The following SHROOM4 variants were observed in gnomAD, a reference collection of about 807,000 sequenced individuals.
SHROOM4 encodes shroom family member 4, also known as protein Shroom4.
Under a neutral mutation model 80.3 loss-of-function variants are expected in SHROOM4, and 17 were observed. The ratio of observed to expected loss-of-function variants is 0.21; its 90% CI spans 0.14 to 0.32. The LOEUF (loss-of-function observed/expected upper bound fraction) is 0.32, where lower values mean the gene tolerates loss of function less well. SHROOM4 is among the 10% of genes least tolerant of loss of function. The pLI, the probability that SHROOM4 is intolerant of heterozygous loss-of-function variation, is 1.00. For missense variants in SHROOM4, 993 were observed against 1,140.3 expected (o/e 0.87, Z 1.86); for synonymous variants, 400 against 437.5 (o/e 0.91, Z 1.07).
chrX:50,737,247 G>A (rs1347049585), intron 1 of SHROOM4, among the ~76,000 whole-genome samples: 4 of 109,991 alleles, frequency 3.6e-5, no homozygotes, highest in African/African-American at 1.3e-4. Flanking sequence ...AAATTAAAAC[G>A]GTACACTAGA....
intron 1 of SHROOM4, among the ~76,000 whole-genome samples, chrX:50,790,382 G>T (rs1488443768): frequency 2.7e-5 from 3 of 111,490 alleles, no homozygotes; most frequent in Non-Finnish European, 5.7e-5. Flanking sequence ...ATTTGAAAAA[G>T]AATTAATGCC....
Position 50,788,539 on chromosome X carries a change from C to T in SHROOM4, c.117+25363G>A, listed in dbSNP as rs185158006. ...AGGAGAATGGCATGAACCCGGGAGG[C>T]GGAGCTTGCAGTGAGCCGAGGTCGA... is the stretch of plus-strand genomic sequence containing the variant. On this transcript the variant is annotated intron_variant, in intron 1 of 8. Coordinates refer to ENST00000376020, the MANE Select transcript of SHROOM4 (RefSeq NM_020717.5). 1.5e-3 allele frequency among the ~76,000 whole-genome samples: 155 copies of T among 105,039 alleles called. 2 individuals carry two copies. The East Asian group carries it at 0.037, about 25-fold the overall frequency. 91.2% of individuals were successfully genotyped at this position (105,039 alleles called of 115,157 possible).
At position 50,591,710 on chromosome X, in the gene SHROOM4, C is replaced by G; in HGVS notation, c.*4985G>C. 3.6e-6 allele frequency: 1 copy of G among 275,798 alleles called. No individual in the cohort carries two copies. Among genetic ancestry groups the G allele is most frequent in the South Asian group, 3.4e-5 (1 of 29,162 alleles). The allele number at this position is 275,798 out of a possible 1,213,427, so 22.7% of individuals were successfully genotyped here. A position where few individuals can be genotyped will look rare whatever the true frequency, so the allele number is the denominator to read the frequency against. Reference sequence around the variant, plus strand: ...CTTTCTTTCTTTTCTTTCTTTCTTTCTTTCTTTCTTTCTTTCTTTCTTTTT... The same window carrying G: ...CTTTCTTTCTTTTCTTTCTTTCTTTGTTTCTTTCTTTCTTTCTTTCTTTTT... On this transcript the variant is annotated 3_prime_UTR_variant, in exon 9 of 9. Transcript: ENST00000376020.
chrX:50,601,609 C>T (rs148948515), intron 7 of SHROOM4, among the ~76,000 whole-genome samples: 2 of 111,934 alleles, frequency 1.8e-5, no homozygotes, highest in Non-Finnish European at 3.8e-5. Flanking sequence ...TAGGTAAGTG[C>T]AGGGAGGGGA....
intron 1 of SHROOM4, among the ~76,000 whole-genome samples, chrX:50,768,037 C>A (rs1935315795): frequency 8.9e-6 from 1 of 112,031 alleles, no homozygotes; most frequent in African/African-American, 3.2e-5. Context: ...GTGCTTGAAT[C>A]TCACAAATAT....
intron 1 of SHROOM4, among the ~76,000 whole-genome samples, chrX:50,796,345 C>T (rs1936010203): frequency 9.0e-6 from 1 of 111,589 alleles, no homozygotes; most frequent in Non-Finnish European, 1.9e-5. Flanking sequence ...ACTCTAGGAC[C>T]AATATGGAAG....
At chrX:50,598,721 G>A (rs974255107) in intron 7 of SHROOM4, among the ~76,000 whole-genome samples, 186 bp from the exon 8 acceptor site, 2 of 112,122 alleles carry the variant, frequency 1.8e-5, no homozygotes, top group South Asian at 3.7e-4. Flanking sequence ...CCTTCTATCC[G>A]TCTGGTAGGG....
At chrX:50,693,571 A>G (rs1557262780) in intron 2 of SHROOM4, among the ~76,000 whole-genome samples, 3 of 105,905 alleles carry the variant, frequency 2.8e-5, no homozygotes, top group Admixed American at 9.9e-5. Context: ...ATTTCAAAAA[A>G]AAAAAAAGTA....
chrX:50,585,057 G>A (rs1928732515), downstream of SHROOM4, among the ~76,000 whole-genome samples: 1 of 110,947 alleles, frequency 9.0e-6, no homozygotes, highest in Non-Finnish European at 1.9e-5. Context: ...ATTGTATTGA[G>A]GAGGATAAGC....
intron 1 of SHROOM4, among the ~76,000 whole-genome samples, chrX:50,782,237 C>T (rs1935642722): frequency 9.0e-6 from 1 of 110,816 alleles, no homozygotes; most frequent in African/African-American, 3.3e-5. Flanking sequence ...AAATTAAGTC[C>T]AACTGTATAC....
chrX:50,797,539 T>C (rs1439826369), intron 1 of SHROOM4, among the ~76,000 whole-genome samples: 1 of 111,949 alleles, frequency 8.9e-6, no homozygotes, highest in Non-Finnish European at 1.9e-5. Context: ...TGGGAGGTAG[T>C]GGTGAAACTG....
chrX:50,761,498 T>C (rs1336282258), intron 1 of SHROOM4, among the ~76,000 whole-genome samples: 1 of 112,445 alleles, frequency 8.9e-6, no homozygotes, highest in Admixed American at 9.4e-5. Context: ...TGGTTTTGAT[T>C]TGCATTTTTC....
At chrX:50,598,878 T>C (rs1929254823) in intron 7 of SHROOM4, among the ~76,000 whole-genome samples, 2 of 110,735 alleles carry the variant, frequency 1.8e-5, no homozygotes, top group South Asian at 3.9e-4. Flanking sequence ...CAGGCTGGAG[T>C]GCAGTGGCAC....
At chrX:50,808,600 G>A (rs1398292117) in intron 1 of SHROOM4, among the ~76,000 whole-genome samples, 1 of 110,740 alleles carries the variant, frequency 9.0e-6, no homozygotes, top group Non-Finnish European at 1.9e-5. Context: ...TTTCTCAGAT[G>A]GGTCAGCATC....
rs112868029 is a variant in SHROOM4, at chrX:50,805,201, A to G, written c.117+8701T>C. Among the ~76,000 whole-genome samples the G allele has an allele frequency of 6.1e-3, 679 of 111,268 alleles. 7 individuals carry two copies. The highest frequency in any genetic ancestry group is 0.021 in the African/African-American group (641 of 30,578). Reference sequence around the variant, plus strand: ...ATGGGGCTACAGCCATAAGACTCTAACTCCTTTCCAGAATAACTAGTCAAA... The same window carrying G: ...ATGGGGCTACAGCCATAAGACTCTAGCTCCTTTCCAGAATAACTAGTCAAA... On this transcript the variant is annotated intron_variant, in intron 1 of 8. Transcript: ENST00000376020.
intron 1 of SHROOM4, among the ~76,000 whole-genome samples, chrX:50,799,235 T>G: frequency 8.8e-6 from 1 of 113,097 alleles, no homozygotes; most frequent in Non-Finnish European, 1.9e-5. Flanking sequence ...CTCTAAGGCT[T>G]TCTCAGTTTG....
chrX:50,652,868 G>C (rs1232148225), intron 2 of SHROOM4, among the ~76,000 whole-genome samples: 2 of 111,813 alleles, frequency 1.8e-5, no homozygotes, highest in African/African-American at 3.3e-5. Context: ...TCAAAGATCA[G>C]ATTGTTGTAG....
chrX:50,602,280 C>G (rs1004736703), intron 7 of SHROOM4, among the ~76,000 whole-genome samples: 1 of 110,142 alleles, frequency 9.1e-6, no homozygotes, highest in African/African-American at 3.3e-5. Flanking sequence ...TTAGTAGAGA[C>G]GGGGTTTCAC....
rs782809246 is a variant in SHROOM4, at chrX:50,607,975, C to T, written c.3167G>A (p.Arg1056His). 4.1e-6 allele frequency: 5 copies of T among 1,211,902 alleles called. No homozygotes were observed. The highest frequency in any genetic ancestry group is 5.6e-6 in the Non-Finnish European group (5 of 895,580). ...GCTGATGTGACTCTCTGAGAAGGCA[C>T]GGCTGCGCAGTGGGTGGGGCATGGA... Reference protein sequence around the residue: ...LASMPHPLRSRAFSESHISLA... With the variant: ...LASMPHPLRSHAFSESHISLA... The change falls in exon 6 of 9, where the codon CGT (arginine) becomes CAT (histidine). Residue 1056 changes from arginine (R) to histidine (H), a missense_variant. Arg to His is a conservative substitution (Grantham distance 29). Coordinates refer to ENST00000376020, the MANE Select transcript of SHROOM4 (RefSeq NM_020717.5).
Sources: allele counts gnomAD v4.1 joint callset (sites outside exome capture counted in the v4.1 genomes callset), GRCh38; gene constraint gnomAD v4.1.1; transcripts MANE v1.5; gene names NCBI Gene and HGNC (gene_info 2026-07-23, HGNC 2026-07-21).